The following COL6A3 variants were observed in gnomAD, a reference collection of about 807,000 sequenced individuals.
The protein encoded by COL6A3 is collagen type VI alpha 3 chain.
A neutral mutation model predicts 274.1 loss-of-function variants in COL6A3; 137 were observed. The observed-to-expected ratio is 0.50, with a 90% CI of 0.44 to 0.58. The LOEUF is 0.58. Among genes scored for constraint, COL6A3 ranks in the 20% least tolerant of loss-of-function variants. The pLI is 0.00. For synonymous variants in COL6A3, 1,650 were observed against 1,650.6 expected (o/e 1.00, Z 0.01); for missense variants, 3,950 against 4,124.9 (o/e 0.96, Z 1.16).
rs80272723 is a variant in COL6A3 at position 237,371,833 on chromosome 2, C to A, written c.4184G>T (p.Arg1395Leu). Residue 1395 changes from arginine to leucine, a missense_variant, in exon 9 of 44, where the codon CGG becomes CTG. Physicochemically the swap from Arg to Leu is moderately radical, Grantham distance 102. Coordinates refer to ENST00000295550, the MANE Select transcript of COL6A3 (RefSeq NM_004369.4). The surrounding 1 kb of genome is among the most constrained non-coding windows in gnomAD (Gnocchi z 4.3). The part of the protein sequence containing the change: ...PEYVFSVSTF[R>L]ELPSLEQKLL... ...TTTCTGCTCCAGGCTGGGCAGCTCC[C>A]GGAAGGTGCTCACCGAGAACACATA... 5.0e-6 allele frequency: 8 copies of A among 1,613,422 alleles called. No individual in the cohort carries two copies. Among genetic ancestry groups the A allele is most frequent in the Non-Finnish European group, 5.9e-6 (7 of 1,180,008 alleles).
At chr2:237,350,967 G>A (rs2077194133) in intron 27 of COL6A3, among the ~76,000 whole-genome samples, 163 bp downstream of exon 27, 1 of 152,158 alleles carries the variant, frequency 6.6e-6, no homozygotes, top group East Asian at 1.9e-4. Flanking sequence ...GATTGTTGGG[G>A]GACAATGATT....
intron 8 of COL6A3, among the ~76,000 whole-genome samples, chr2:237,373,703 AC>A (rs149293449): frequency 0.04 from 6,013 of 149,360 alleles, 391 homozygotes; most frequent in African/African-American, 0.14. Flanking sequence ...GCCACTGTGA[AC>A]CCCCCCCACC....
In COL6A3 at chr2:237,358,951, G is replaced by A. The variant is rs2077376048; in HGVS notation, c.6408+84C>T. The A allele has an allele frequency of 2.0e-6, 3 of 1,490,938 alleles. No individual in the cohort carries two copies. In the African/African-American group the frequency reaches 4.2e-5, roughly 21 times the overall value. The allele number at this position is 1,490,938 out of a possible 1,614,324, so 92.4% of individuals were successfully genotyped here. ...GCTGCCTGGAGGAAGCGGGCTTGAT[G>A]TATATGAGGAAAGAAAATAACTATT... is the stretch of plus-strand genomic sequence containing the variant. On this transcript the variant is annotated intron_variant, in intron 20 of 43. Coordinates refer to ENST00000295550, the MANE Select transcript of COL6A3 (RefSeq NM_004369.4).
chr2:237,351,050 G>C lies in COL6A3; in HGVS notation c.6816+80C>G, dbSNP rs184640363. On this transcript the variant is annotated intron_variant, in intron 27 of 43. Coordinates refer to ENST00000295550, the MANE Select transcript of COL6A3 (RefSeq NM_004369.4). The stretch of plus-strand genomic sequence containing the variant: ...TAGTACTGAAGAGGAGGGACAGACA[G>C]ACTGACCAAAGAGGGAGAGGGGCAT... 7 of 1,372,236 alleles carry C rather than the reference G, an allele frequency of 5.1e-6. No individual in the cohort carries two copies. The Admixed American group carries it at 1.2e-4, about 23-fold the overall frequency. 85.0% of individuals were successfully genotyped at this position (1,372,236 alleles called of 1,614,324 possible). A position where few individuals can be genotyped will look rare whatever the true frequency, so the allele number is the denominator to read the frequency against.
intron 23 of COL6A3, chr2:237,355,268 G>C: frequency 3.3e-6 from 1 of 302,794 alleles, no homozygotes; most frequent in South Asian, 9.6e-5. Flanking sequence ...TTCAAATGAG[G>C]AATGTGAAAA....
chr2:237,360,797 A>G (rs926287359), intron 16 of COL6A3, among the ~76,000 whole-genome samples: 1 of 152,008 alleles, frequency 6.6e-6, no homozygotes, highest in African/African-American at 2.4e-5. Context: ...CCTGCCCCTC[A>G]GCTCACTCCC....
intron 21 of COL6A3, 74 bp downstream of exon 21, chr2:237,358,447 T>G: frequency 8.3e-7 from 1 of 1,208,760 alleles, no homozygotes; most frequent in Non-Finnish European, 1.2e-6. Context: ...GTAGAATTCT[T>G]CCTTTCATCC....
chr2:237,332,152 T>C (rs1267782709), intron 42 of COL6A3, among the ~76,000 whole-genome samples: 2 of 114,926 alleles, frequency 1.7e-5, no homozygotes, highest in Non-Finnish European at 3.6e-5. Context: ...GCCAGACCCT[T>C]GCTGAAAGAC....
chr2:237,378,763 A>T lies in COL6A3; in HGVS notation c.2370T>A (p.Ala790=). The change falls in exon 6 of 44, where the codon GCT becomes GCA. Residue 790 remains alanine (A), a synonymous_variant. Transcript: ENST00000295550. ...QANKAELEQI[A]FNPSLVYLMD... is the part of the protein sequence containing the mutation. ...TGAGATACACCAGGCTTGGGTTAAA[A>T]GCAATCTGCTCAAGCTCTGCCTTAT... The T allele has an allele frequency of 6.2e-7, 1 of 1,614,240 alleles. No individual in the cohort carries two copies.
rs1574952003 is a variant in COL6A3 at position 237,346,633 on chromosome 2, G to A, written c.7030-68C>T. On this transcript the variant is annotated intron_variant, in intron 31 of 43. Coordinates refer to ENST00000295550, the MANE Select transcript of COL6A3 (RefSeq NM_004369.4). The stretch of plus-strand genomic sequence containing the variant: ...TGGAGAATTTAAGGCTCCTATAGTT[G>A]GAAGGTACGGTAAAAGTGATCTAAC... The A allele has an allele frequency of 4.9e-6, 7 of 1,419,526 alleles. No individual in the cohort carries two copies. In the East Asian group the frequency reaches 1.4e-4, roughly 28 times the overall value. The allele number at this position is 1,419,526 out of a possible 1,614,324, so 87.9% of individuals were successfully genotyped here. A position where few individuals can be genotyped will look rare whatever the true frequency, so the allele number is the denominator to read the frequency against.
Position 237,413,902 on chromosome 2 carries a change from C to T in COL6A3, c.-31+51G>A, listed in dbSNP as rs2078915959. Reference sequence around the variant, plus strand: ...AGAAAGGATCACTTCAGGTTAAGAGCATTTCCTTCTAGCCCCAAACCTGGA... The same window carrying T: ...AGAAAGGATCACTTCAGGTTAAGAGTATTTCCTTCTAGCCCCAAACCTGGA... On this transcript the variant is annotated intron_variant, in intron 1 of 43. Transcript: ENST00000295550. The surrounding 1 kb of genome is among the most constrained non-coding windows in gnomAD (Gnocchi z 4.0). 1 of 152,232 alleles carries T rather than the reference C, an allele frequency of 6.6e-6. No homozygotes were observed. Among genetic ancestry groups the T allele is most frequent in the African/African-American group, 2.4e-5 (1 of 41,456 alleles). The allele number at this position is 152,232 out of a possible 1,614,324, so 9.4% of individuals were successfully genotyped here. A position where few individuals can be genotyped will look rare whatever the true frequency, so the allele number is the denominator to read the frequency against.
chr2:237,358,535 TC>T lies in COL6A3; in HGVS notation c.6456del (p.Ile2153PhefsTer89). The T allele has an allele frequency of 1.9e-6, 3 of 1,614,066 alleles. No homozygotes were observed. Among genetic ancestry groups the T allele is most frequent in the Non-Finnish European group, 2.5e-6 (3 of 1,179,924 alleles). Reference sequence around the variant, plus strand: ...GAAATCTTTACCGGGTCCCCTCGAATCCCAACATCTCCTCTTTCTCCTTTCT... The same window carrying T: ...GAAATCTTTACCGGGTCCCCTCGAATCCAACATCTCCTCTTTCTCCTTTCT... ...RGEKGERGDV[G>X]IRGDPGNPGQ... On this transcript the variant is annotated frameshift_variant, in exon 21 of 44. Transcript: ENST00000295550. LOFTEE classifies it high-confidence loss of function.
At chr2:237,360,043 A>T (rs1467305083) in intron 17 of COL6A3, 45 bp downstream of exon 17, 1 of 1,598,926 alleles carries the variant, frequency 6.3e-7, no homozygotes, top group Admixed American at 1.7e-5. Context: ...ACTGCGAGTC[A>T]CCTGACCCCT....
In COL6A3 at chr2:237,372,030, C is replaced by T. The variant is rs2077704399; in HGVS notation, c.3987G>A (p.Gly1329=). Residue 1329 remains glycine (G), a synonymous_variant, in exon 9 of 44, where the codon GGG becomes GGA. Coordinates refer to ENST00000295550, the MANE Select transcript of COL6A3 (RefSeq NM_004369.4). ...GCGGGACGCCCTCTTCAATGCGGCTCCCCAGGGGCCTCTTGAAGATGTTCC... is the reference window on the plus strand; with the variant it reads ...GCGGGACGCCCTCTTCAATGCGGCTTCCCAGGGGCCTCTTGAAGATGTTCC... ...VSRNIFKRPL[G]SRIEEGVPQF... The T allele has an allele frequency of 6.2e-7, 1 of 1,614,078 alleles. No homozygotes were observed. The highest frequency in any genetic ancestry group is 8.5e-7 in the Non-Finnish European group (1 of 1,180,030).
chr2:237,392,751 G>A lies in COL6A3; in HGVS notation c.709+1836C>T, dbSNP rs57375723. Among the ~76,000 whole-genome samples, 1,436 of 152,250 alleles carry A rather than the reference G, an allele frequency of 9.4e-3. 33 individuals are homozygous for A. The highest frequency in any genetic ancestry group is 0.033 in the African/African-American group (1,351 of 41,536). The stretch of plus-strand genomic sequence containing the variant: ...TTTAGTTACATTATGTTCAGCCTGC[G>A]TTCACACTGCAGACTCTGTGGTCAT... On this transcript the variant is annotated intron_variant, in intron 3 of 43. Transcript: ENST00000295550.
In COL6A3 at chr2:237,368,410, A is replaced by G. The variant is rs931858174; in HGVS notation, c.4900+153T>C. ...TAATATGCTTCCTTCTGCAATTTCA[A>G]TGGAACTACTTTTCCAGTATTTAAT... On this transcript the variant is annotated intron_variant, in intron 10 of 43. Coordinates refer to ENST00000295550, the MANE Select transcript of COL6A3 (RefSeq NM_004369.4). This position sits in a 1 kb window ranked among gnomAD's most constrained non-coding sequence, Gnocchi z 4.4. Among the ~76,000 whole-genome samples the G allele has an allele frequency of 1.3e-5, 2 of 152,214 alleles. No individual in the cohort carries two copies. Among genetic ancestry groups the G allele is most frequent in the African/African-American group, 2.4e-5 (1 of 41,448 alleles).
chr2:237,363,315 T>C lies in COL6A3; in HGVS notation c.6001A>G (p.Met2001Val), dbSNP rs201539582. 3.0e-5 allele frequency: 48 copies of C among 1,613,994 alleles called. No individual in the cohort carries two copies. Among genetic ancestry groups the C allele is most frequent in the Non-Finnish European group, 3.8e-5 (45 of 1,180,032 alleles). Residue 2001 changes from methionine (M) to valine (V), a missense_variant, in exon 14 of 44, where the codon ATG (methionine) becomes GTG (valine). By Grantham distance (21) the Met-to-Val change is conservative (BLOSUM62 1). Transcript: ENST00000295550. ...LMHLEFGRGF[M>V]YDRPLRLNLL... The stretch of plus-strand genomic sequence containing the variant: ...TTAAGCCTCAGGGGCCTGTCATACA[T>C]AAACCCTCGCCCAAACTCCAGATGC...
At position 237,368,567 on chromosome 2, in the gene COL6A3, C is replaced by T. The variant is rs115320732; in HGVS notation, c.4896G>A (p.Arg1632=). Reference sequence around the variant, plus strand: ...CATGGGTCACACGGTGCATACCTGGCCGTGAAGGAGGAGGGGTGTCCACCC... The same window carrying T: ...CATGGGTCACACGGTGCATACCTGGTCGTGAAGGAGGAGGGGTGTCCACCC... ...PPGVDTPPPS[R]PEKKKADIVF... Residue 1632 remains arginine, a synonymous_variant, in exon 10 of 44, where the codon CGG becomes CGA. Coordinates refer to ENST00000295550, the MANE Select transcript of COL6A3 (RefSeq NM_004369.4). The surrounding 1 kb of genome is among the most constrained non-coding windows in gnomAD (Gnocchi z 4.4). 1 of 1,614,028 alleles carries T rather than the reference C, an allele frequency of 6.2e-7. No individual in the cohort carries two copies. Among genetic ancestry groups the T allele is most frequent in the African/African-American group, 1.3e-5 (1 of 74,996 alleles).
intron 30 of COL6A3, 124 bp from the exon 31 acceptor site, chr2:237,347,993 T>A: frequency 1.1e-6 from 1 of 875,602 alleles, no homozygotes; most frequent in South Asian, 1.4e-5. Flanking sequence ...AAGTGGTTAG[T>A]TTTGATTCAC....
Sources: allele counts gnomAD v4.1 joint callset (sites outside exome capture counted in the v4.1 genomes callset), GRCh38; gene constraint gnomAD v4.1.1; non-coding constraint Gnocchi (gnomAD v3.1); transcripts MANE v1.5; gene names NCBI Gene and HGNC (gene_info 2026-07-23, HGNC 2026-07-21).